RBFOX1: variants seen among roughly 807,000 people sequenced by gnomAD.
RBFOX1 encodes RNA binding protein fox-1 homolog 1.
RBFOX1 carries 8 observed loss-of-function variants against 57.7 expected under a neutral mutation model. That is an observed-to-expected ratio of 0.14 (90% confidence interval 0.08 to 0.25). The LOEUF is 0.25. RBFOX1 is among the 10% of genes least tolerant of loss of function. RBFOX1 has a pLI of 1.00. For synonymous variants in RBFOX1, 326 were observed against 222.4 expected (o/e 1.47, Z -4.15); for missense variants, 611 against 548.5 (o/e 1.11, Z -1.14).
intron 1 of RBFOX1, among the ~76,000 whole-genome samples, chr16:5,398,564 G>A (rs1447434231): frequency 6.7e-6 from 1 of 150,350 alleles, no homozygotes; most frequent in African/African-American, 2.5e-5. Flanking sequence ...GTGTGCATCT[G>A]TACGTGTGTG....
At chr16:6,739,999 A>G (rs2071568931) in intron 3 of RBFOX1, among the ~76,000 whole-genome samples, 1 of 152,226 alleles carries the variant, frequency 6.6e-6, no homozygotes, top group African/African-American at 2.4e-5. Flanking sequence ...ATCCCTGATA[A>G]ATATAGAATT....
intron 3 of RBFOX1, among the ~76,000 whole-genome samples, chr16:6,931,345 A>T (rs1315010162): frequency 8.8e-6 from 1 of 113,686 alleles, no homozygotes; most frequent in Non-Finnish European, 2.1e-5. Context: ...ATCTCTACAC[A>T]CACACACACA....
rs557524232 is a variant in RBFOX1 at position 7,002,856 on chromosome 16, A to G, written c.-15-49201A>G. The stretch of plus-strand genomic sequence containing the variant: ...AATTAGGCTGATAGGAGTTTCTCTC[A>G]ACATCCCGATACACTCAGCGTGTTA... On this transcript the variant is annotated intron_variant, in intron 3 of 15. Coordinates refer to ENST00000550418, the MANE Select transcript of RBFOX1 (RefSeq NM_018723.4). 9.5e-4 allele frequency among the ~76,000 whole-genome samples: 145 copies of G among 152,352 alleles called. 1 individual carries two copies. The highest frequency in any genetic ancestry group is 3.4e-3 in the Middle Eastern group (1 of 294).
intron 1 of RBFOX1, among the ~76,000 whole-genome samples, chr16:5,404,327 G>A (rs952882465): frequency 4.6e-5 from 7 of 152,136 alleles, no homozygotes; most frequent in African/African-American, 1.4e-4. Context: ...CCTTCTGGGA[G>A]CATTGAACCT....
chr16:5,449,146 A>T (rs1010116674), intron 1 of RBFOX1, among the ~76,000 whole-genome samples: 1 of 152,110 alleles, frequency 6.6e-6, no homozygotes, highest in African/African-American at 2.4e-5. Flanking sequence ...CAAAAGTCAC[A>T]AGGGGGCCTG....
intron 3 of RBFOX1, among the ~76,000 whole-genome samples, chr16:6,819,578 G>A (rs1356222833): frequency 1.3e-5 from 2 of 151,730 alleles, no homozygotes; most frequent in South Asian, 2.1e-4. Flanking sequence ...TGGCGTGTAT[G>A]CCTGTAATCC....
intron 3 of RBFOX1, among the ~76,000 whole-genome samples, chr16:6,806,025 A>G (rs1824740801): frequency 6.6e-6 from 1 of 152,202 alleles, no homozygotes; most frequent in Non-Finnish European, 1.5e-5. Context: ...CATACTCAAA[A>G]TATTTGCTAG....
At chr16:6,515,425 A>C (rs992268154) in intron 2 of RBFOX1, among the ~76,000 whole-genome samples, 5 of 152,138 alleles carry the variant, frequency 3.3e-5, no homozygotes, top group Admixed American at 3.3e-4. Context: ...GAGTCCTCCC[A>C]TTTTGGTCCT....
At chr16:7,239,087 G>T (rs77127241) in intron 4 of RBFOX1, among the ~76,000 whole-genome samples, 5 of 152,130 alleles carry the variant, frequency 3.3e-5, no homozygotes, top group Non-Finnish European at 7.3e-5. Flanking sequence ...ATTGTGAATA[G>T]TGCTGCATTG....
intron 3 of RBFOX1, among the ~76,000 whole-genome samples, chr16:5,741,312 C>G (rs2052762507): frequency 6.6e-6 from 1 of 152,190 alleles, no homozygotes; most frequent in Non-Finnish European, 1.5e-5. Flanking sequence ...CTGTCACTTT[C>G]CAAGGACCAT....
At chr16:6,302,394 C>A (rs1182244911) in intron 1 of RBFOX1, among the ~76,000 whole-genome samples, 1 of 152,132 alleles carries the variant, frequency 6.6e-6, no homozygotes. Flanking sequence ...TTGTTCTTTG[C>A]TGAACATGAA....
intron 2 of RBFOX1, among the ~76,000 whole-genome samples, chr16:6,347,019 A>G (rs2085489804): frequency 6.6e-6 from 1 of 152,136 alleles, no homozygotes; most frequent in Admixed American, 6.5e-5. Context: ...AAAGATCATG[A>G]TATTATAGTT....
At chr16:5,658,787 TATATA>T (rs1294125905) in intron 3 of RBFOX1, among the ~76,000 whole-genome samples, 40 of 136,558 alleles carry the variant, frequency 2.9e-4, no homozygotes, top group African/African-American at 1.1e-3. Context: ...TATATGTATA[TATATA>T]ATATATGTGT....
intron 3 of RBFOX1, among the ~76,000 whole-genome samples, chr16:5,731,069 C>T (rs1411006492): frequency 1.3e-5 from 2 of 152,034 alleles, no homozygotes; most frequent in Non-Finnish European, 2.9e-5. Context: ...CCAATGTAAG[C>T]ACCATCACCA....
At chr16:6,806,454 A>G (rs1015669550) in intron 3 of RBFOX1, among the ~76,000 whole-genome samples, 2 of 152,136 alleles carry the variant, frequency 1.3e-5, no homozygotes, top group African/African-American at 2.4e-5. Flanking sequence ...GAGCTAACAA[A>G]TGTTAAATAA....
At chr16:6,971,794 G>C (rs1350800123) in intron 3 of RBFOX1, among the ~76,000 whole-genome samples, 1 of 152,060 alleles carries the variant, frequency 6.6e-6, no homozygotes. Flanking sequence ...CTTCTGTTGG[G>C]TGTGGAGGGC....
intron 4 of RBFOX1, among the ~76,000 whole-genome samples, chr16:7,202,694 T>G (rs6500923): frequency 0.63 from 95,552 of 151,942 alleles, 31,341 homozygotes; most frequent in African/African-American, 0.82. Context: ...CACAAACTCT[T>G]TTGTGAACTC....
intron 3 of RBFOX1, among the ~76,000 whole-genome samples, chr16:6,742,280 TAAC>T (rs963186341): frequency 1.8e-4 from 27 of 152,316 alleles, no homozygotes; most frequent in Non-Finnish European, 3.1e-4. Context: ...AAGAATATAA[TAAC>T]ATATCATTAT....
intron 4 of RBFOX1, among the ~76,000 whole-genome samples, chr16:7,267,645 A>G (rs1268049776): frequency 2.0e-5 from 3 of 151,196 alleles, no homozygotes; most frequent in Non-Finnish European, 3.0e-5. Context: ...ACTTGAGGTC[A>G]GGAGTTCGAG....
Sources: allele counts gnomAD v4.1 joint callset (sites outside exome capture counted in the v4.1 genomes callset), GRCh38; gene constraint gnomAD v4.1.1; transcripts MANE v1.5; gene names NCBI Gene and HGNC (gene_info 2026-07-23, HGNC 2026-07-21).